The following PTPN13 variants were observed in gnomAD, a reference collection of about 807,000 sequenced individuals.
PTPN13 encodes the protein tyrosine-protein phosphatase non-receptor type 13.
PTPN13 carries 191 observed loss-of-function variants against 284.0 expected under a neutral mutation model. The observed-to-expected ratio is 0.67, with a 90% CI of 0.60 to 0.76. The LOEUF is 0.76. Among genes scored for constraint, PTPN13 ranks in the 30% least tolerant of loss-of-function variants. The probability of loss-of-function intolerance (pLI) is 0.00; values close to 1 mark genes in which losing one functional copy is unlikely to be tolerated. For missense variants in PTPN13, 2,797 were observed against 2,939.9 expected, an observed-to-expected ratio of 0.95 and a Z score of 1.12; for synonymous variants, 986 against 1,022.3, an observed-to-expected ratio of 0.96 and a Z score of 0.68.
chr4:86,751,788 A>T (rs1737415278), intron 19 of PTPN13, among the ~76,000 whole-genome samples: 1 of 152,176 alleles, frequency 6.6e-6, no homozygotes, highest in Admixed American at 6.5e-5. Flanking sequence ...GCTTAGCAGG[A>T]ACAAAATTGT....
chr4:86,673,561 C>A (rs1727945942), intron 3 of PTPN13, among the ~76,000 whole-genome samples: 1 of 152,190 alleles, frequency 6.6e-6, no homozygotes, highest in Admixed American at 6.5e-5. Context: ...AATGCCAGAA[C>A]TTGAGGCTTT....
rs1463331279 is a variant in PTPN13 at position 86,771,288 on chromosome 4, A to G, written c.4921A>G (p.Lys1641Glu). 4 of 1,605,378 alleles carry G rather than the reference A, an allele frequency of 2.5e-6. No individual in the cohort carries two copies. Among genetic ancestry groups the G allele is most frequent in the Non-Finnish European group, 3.4e-6 (4 of 1,175,886 alleles). Reference sequence around the variant, plus strand: ...AAATGAAATGTCAGACAAAAGCAAAAAACAGTGCAAGTCCCCATCCAGAAG... The same window carrying G: ...AAATGAAATGTCAGACAAAAGCAAAGAACAGTGCAAGTCCCCATCCAGAAG... ...DENEMSDKSK[K>E]QCKSPSRRDS... The change falls in exon 31 of 48, where the codon AAA becomes GAA. Residue 1641 changes from lysine to glutamate, a missense_variant. Coordinates refer to ENST00000411767, the MANE Select transcript of PTPN13 (RefSeq NM_080683.3).
intron 2 of PTPN13, among the ~76,000 whole-genome samples, chr4:86,669,216 G>A (rs1727445263): frequency 6.9e-6 from 1 of 144,906 alleles, no homozygotes; most frequent in Non-Finnish European, 1.5e-5. Flanking sequence ...TTGTATTTAT[G>A]TATGTATTAT....
In PTPN13 at chr4:86,785,234, C is replaced by T. The variant is rs767435192; in HGVS notation, c.6122C>T (p.Ser2041Phe). 7 of 1,529,156 alleles carry T rather than the reference C, an allele frequency of 4.6e-6. No individual in the cohort carries two copies. In the Admixed American group the frequency reaches 7.4e-5, roughly 16 times the overall value. 94.7% of individuals were successfully genotyped at this position (1,529,156 alleles called of 1,614,324 possible). A position where few individuals can be genotyped will look rare whatever the true frequency, so the allele number is the denominator to read the frequency against. The change falls in exon 39 of 48, where the codon TCT becomes TTT. Residue 2041 changes from serine (S) to phenylalanine (F), a missense_variant. Physicochemically the swap from Ser to Phe is radical, Grantham distance 155. Transcript: ENST00000411767. ...ATGTAAATTATTATTTTTCAAGAAT[C>T]TTATATACAAGAAGATGACATTTAT... ...GSPNLTLPKE[S>F]YIQEDDIYDD...
intron 8 of PTPN13, 57 bp downstream of exon 8, chr4:86,716,682 T>G: frequency 6.1e-6 from 7 of 1,144,166 alleles, no homozygotes; most frequent in Non-Finnish European, 8.7e-6. Flanking sequence ...TATTATTATT[T>G]TCAATAGTGT....
intron 47 of PTPN13, among the ~76,000 whole-genome samples, 173 bp from the exon 48 acceptor site, chr4:86,814,283 G>A (rs1745559499): frequency 6.6e-6 from 1 of 151,650 alleles, no homozygotes; most frequent in Non-Finnish European, 1.5e-5. Flanking sequence ...GGGATTACAG[G>A]TGTGAGCCAC....
chr4:86,764,642 T>G lies in PTPN13; in HGVS notation c.4067T>G (p.Phe1356Cys). The change falls in exon 25 of 48, where the codon TTT becomes TGT. Residue 1356 changes from phenylalanine to cysteine, a missense_variant. Transcript: ENST00000411767. ...NTSNKMNFKT[F>C]SSSPPKPGDI... is the part of the protein sequence containing the mutation. ...TCCAACAAGATGAATTTTAAAACTTTTTCTTCATCACCTCCTAAGCCTGGA... is the reference window on the plus strand; with the variant it reads ...TCCAACAAGATGAATTTTAAAACTTGTTCTTCATCACCTCCTAAGCCTGGA... 6.3e-7 allele frequency: 1 copy of G among 1,582,668 alleles called. No homozygotes were observed. Among genetic ancestry groups the G allele is most frequent in the Non-Finnish European group, 8.6e-7 (1 of 1,164,706 alleles).
intron 41 of PTPN13, 78 bp downstream of exon 41, chr4:86,797,007 A>G: frequency 1.0e-6 from 1 of 983,274 alleles, no homozygotes; most frequent in Non-Finnish European, 1.5e-6. Flanking sequence ...TTTGTTTTCC[A>G]GTATAAAATA....
intron 40 of PTPN13, among the ~76,000 whole-genome samples, chr4:86,793,026 G>A (rs1184316193): frequency 1.3e-5 from 2 of 152,144 alleles, no homozygotes; most frequent in African/African-American, 4.8e-5. Flanking sequence ...CCGTAAGTGT[G>A]TATGGGCTAA....
chr4:86,698,103 A>T (rs1665918797), intron 6 of PTPN13, among the ~76,000 whole-genome samples: 1 of 152,192 alleles, frequency 6.6e-6, no homozygotes, highest in Non-Finnish European at 1.5e-5. Flanking sequence ...TCAAGCAATA[A>T]TGTTAATTGG....
At chr4:86,751,472 G>A (rs1484129723) in intron 19 of PTPN13, among the ~76,000 whole-genome samples, 1 of 152,052 alleles carries the variant, frequency 6.6e-6, no homozygotes, top group Non-Finnish European at 1.5e-5. Flanking sequence ...CAGGAACGCA[G>A]TACCACATCT....
At chr4:86,676,535 C>T (rs1728287797) in intron 3 of PTPN13, among the ~76,000 whole-genome samples, 1 of 152,148 alleles carries the variant, frequency 6.6e-6, no homozygotes. Context: ...TAATTCACAG[C>T]AGGAACTCAA....
At position 86,784,545 on chromosome 4, in the gene PTPN13, G is replaced by A; in HGVS notation, c.6105G>A (p.Leu2035=). 3 of 1,605,224 alleles carry A rather than the reference G, an allele frequency of 1.9e-6. No individual in the cohort carries two copies. Among genetic ancestry groups the A allele is most frequent in the Non-Finnish European group, 2.6e-6 (3 of 1,176,340 alleles). Reference sequence around the variant, plus strand: ...ATCAGATAAAGGGATCACCAAACTTGACTCTGCCCAAAGGTAGTTTTCCAA... The same window carrying A: ...ATCAGATAAAGGGATCACCAAACTTAACTCTGCCCAAAGGTAGTTTTCCAA... ...STYQIKGSPN[L]TLPKESYIQE... The change falls in exon 38 of 48, where the codon TTG becomes TTA. Residue 2035 remains leucine (L), a synonymous_variant. Transcript: ENST00000411767.
rs1344688406 is a variant in PTPN13 at position 86,734,198 on chromosome 4, C to T, written c.1859-105C>T. ...TTTAACAGTCTTGTATTTATATTCT[C>T]ATATGATACTCTTTTATGCAAGTCT... On this transcript the variant is annotated intron_variant, in intron 12 of 47. Coordinates refer to ENST00000411767, the MANE Select transcript of PTPN13 (RefSeq NM_080683.3). The T allele has an allele frequency of 4.5e-6, 4 of 895,154 alleles. No homozygotes were observed. The South Asian group carries it at 6.5e-5, about 15-fold the overall frequency. The allele number at this position is 895,154 out of a possible 1,614,324, so 55.5% of individuals were successfully genotyped here. A position where few individuals can be genotyped will look rare whatever the true frequency, so the allele number is the denominator to read the frequency against.
chr4:86,715,926 C>T (rs911448725), intron 7 of PTPN13, among the ~76,000 whole-genome samples: 7 of 152,118 alleles, frequency 4.6e-5, no homozygotes, highest in East Asian at 3.8e-4. Context: ...CCCCTGGGCT[C>T]GGCCCTCTTG....
At chr4:86,790,696 A>T in intron 40 of PTPN13, among the ~76,000 whole-genome samples, 1 of 152,278 alleles carries the variant, frequency 6.6e-6, no homozygotes, top group East Asian at 1.9e-4. Flanking sequence ...GATTTTGAAG[A>T]ACTGAAAGAC....
chr4:86,715,297 C>G (rs190283931), intron 7 of PTPN13, among the ~76,000 whole-genome samples: 48 of 151,892 alleles, frequency 3.2e-4, no homozygotes, highest in Admixed American at 6.6e-4. Context: ...AGTATGTGTT[C>G]CCACTCCTCA....
rs534440975 is a variant in PTPN13 at position 86,810,176 on chromosome 4, C to G, written c.7299+192C>G. Among the ~76,000 whole-genome samples, 6 of 152,142 alleles carry G rather than the reference C, an allele frequency of 3.9e-5. No individual in the cohort carries two copies. The South Asian group carries it at 1.0e-3, about 26-fold the overall frequency. ...TATTCAAAACTACATAGACCGTGATCAACAAAAAATAATACTTCAATTTTA... is the reference window on the plus strand; with the variant it reads ...TATTCAAAACTACATAGACCGTGATGAACAAAAAATAATACTTCAATTTTA... On this transcript the variant is annotated intron_variant, in intron 46 of 47. Coordinates refer to ENST00000411767, the MANE Select transcript of PTPN13 (RefSeq NM_080683.3).
intron 36 of PTPN13, among the ~76,000 whole-genome samples, chr4:86,780,684 T>C (rs907615819): frequency 1.3e-5 from 2 of 152,218 alleles, no homozygotes; most frequent in African/African-American, 4.8e-5. Context: ...CACTTACTTG[T>C]AGTAGCCAAA....
Sources: allele counts gnomAD v4.1 joint callset (sites outside exome capture counted in the v4.1 genomes callset), GRCh38; gene constraint gnomAD v4.1.1; transcripts MANE v1.5; gene names NCBI Gene and HGNC (gene_info 2026-07-23, HGNC 2026-07-21).